ABCC3: variants seen among roughly 807,000 people sequenced by gnomAD.
The protein encoded by ABCC3 is ATP binding cassette subfamily C member 3.
In ABCC3, 121 loss-of-function variants were observed where a neutral mutation model predicts 165.3. The observed-to-expected ratio is 0.73, with a 90% CI of 0.63 to 0.85. The LOEUF (loss-of-function observed/expected upper bound fraction) is 0.85, where lower values mean the gene tolerates loss of function less well. Ranked by LOEUF, ABCC3 falls within the 40% of genes least tolerant of loss-of-function variation. The pLI, the probability that ABCC3 is intolerant of heterozygous loss-of-function variation, is 0.00. For missense variants in ABCC3, 1,869 were observed against 1,964.1 expected (o/e 0.95, Z 0.92); for synonymous variants, 733 against 810.1 (o/e 0.90, Z 1.62).
chr17:50,691,006 G>C (rs188645022), intron 30 of ABCC3, 86 bp from the exon 31 acceptor site: 1 of 1,060,020 alleles, frequency 9.4e-7, no homozygotes, highest in East Asian at 2.5e-5. Flanking sequence ...CTGTGGGCCT[G>C]AGCAAGTACC....
Position 50,669,508 on chromosome 17 carries a change from C to G in ABCC3, c.2221C>G (p.Gln741Glu). 6.2e-7 allele frequency: 1 copy of G among 1,614,186 alleles called. No homozygotes were observed. The highest frequency in any genetic ancestry group is 2.2e-5 in the East Asian group (1 of 44,878). Residue 741 changes from glutamine to glutamate, a missense_variant, in exon 17 of 31, where the codon CAG becomes GAG. Coordinates refer to ENST00000285238, the MANE Select transcript of ABCC3 (RefSeq NM_003786.4). The stretch of plus-strand genomic sequence containing the variant: ...CCTGGAGATGCTGCCTGGTGGGGAT[C>G]AGACAGAGATTGGAGAGAAGGTACA... ...ADLEMLPGGD[Q>E]TEIGEKGINL...
chr17:50,678,305 C>A, intron 25 of ABCC3, 86 bp downstream of exon 25: 1 of 1,427,016 alleles, frequency 7.0e-7, no homozygotes, highest in South Asian at 1.6e-5. Context: ...GTGCCCCTCC[C>A]TGCTCAGTAT....
chr17:50,663,893 C>T, intron 9 of ABCC3, 35 bp downstream of exon 9: 1 of 1,614,132 alleles, frequency 6.2e-7, no homozygotes, highest in Non-Finnish European at 8.5e-7. Context: ...AAAGGCTGGC[C>T]CTGGGCAGCT....
chr17:50,637,519 G>A (rs1166465530), intron 1 of ABCC3, among the ~76,000 whole-genome samples: 1 of 152,156 alleles, frequency 6.6e-6, no homozygotes, highest in East Asian at 1.9e-4. Flanking sequence ...GTGGGAAGTG[G>A]TTCAGGGCAG....
At chr17:50,685,476 TG>T (rs1175584869) in intron 29 of ABCC3, among the ~76,000 whole-genome samples, 1 of 152,220 alleles carries the variant, frequency 6.6e-6, no homozygotes, top group East Asian at 1.9e-4. Context: ...ATGAAGCTAA[TG>T]TTTTTTTCTT....
chr17:50,668,920 G>C lies in ABCC3; in HGVS notation c.1937+1G>C, dbSNP rs766057808. On this transcript the variant is annotated splice_donor_variant, in intron 15 of 30. Transcript: ENST00000285238. LOFTEE classifies it high-confidence loss of function. ...AGGACCTGCCCCCCACTCTGCACAG[G>C]TACCAGCTTCTCCCACTCCCTTCCC... The C allele has an allele frequency of 6.2e-7, 1 of 1,613,942 alleles. No homozygotes were observed. Among genetic ancestry groups the C allele is most frequent in the South Asian group, 1.1e-5 (1 of 91,080 alleles).
rs147357601 is a variant in ABCC3 at position 50,663,449 on chromosome 17, G to A, written c.999-232G>A. On this transcript the variant is annotated intron_variant, in intron 8 of 30. Coordinates refer to ENST00000285238, the MANE Select transcript of ABCC3 (RefSeq NM_003786.4). ...GTGGTGAGAGCGTCATCGATAGGGC[G>A]TGCAGCAGGGTCCATGGTGGATAGA... 6.2e-3 allele frequency: 3,561 copies of A among 569,866 alleles called. 22 individuals carry two copies. The highest frequency in any genetic ancestry group is 8.8e-3 in the Non-Finnish European group (2,811 of 319,284). 35.3% of individuals were successfully genotyped at this position (569,866 alleles called of 1,614,324 possible).
intron 1 of ABCC3, among the ~76,000 whole-genome samples, chr17:50,653,304 C>A (rs1055460975): frequency 6.8e-6 from 1 of 146,062 alleles, no homozygotes; most frequent in Non-Finnish European, 1.5e-5. Flanking sequence ...CGAGATCACG[C>A]CATTACACTC....
intron 1 of ABCC3, among the ~76,000 whole-genome samples, chr17:50,646,774 A>G (rs1967009256): frequency 6.6e-6 from 1 of 152,260 alleles, no homozygotes. Context: ...GAACCAGGTA[A>G]GAGATATTAT....
intron 26 of ABCC3, among the ~76,000 whole-genome samples, chr17:50,683,315 A>G (rs1466488653): frequency 6.6e-6 from 1 of 151,066 alleles, no homozygotes; most frequent in Non-Finnish European, 1.5e-5. Context: ...TCAAGGCTGC[A>G]ATGAGCCATG....
chr17:50,635,225 C>T, intron 1 of ABCC3: 1 of 627,838 alleles, frequency 1.6e-6, no homozygotes, highest in Non-Finnish European at 2.8e-6. Context: ...CACTGGGGAG[C>T]CCGGGAAAGT....
intron 1 of ABCC3, among the ~76,000 whole-genome samples, 191 bp from the exon 2 acceptor site, chr17:50,655,641 G>A (rs928470445): frequency 7.9e-5 from 12 of 151,998 alleles, no homozygotes; most frequent in African/African-American, 2.2e-4. Flanking sequence ...GGAAATGGGG[G>A]CAGCCATGGC....
chr17:50,669,528 G>A lies in ABCC3; in HGVS notation c.2241G>A (p.Lys747=). ...GGGATCAGACAGAGATTGGAGAGAA[G>A]GTACAGAGTCCTCTTCCATCCCTAA... ...PGGDQTEIGE[K]GINLSGGQRQ... Residue 747 remains lysine (K), a splice_region_variant and synonymous_variant, in exon 17 of 31, where the codon AAG becomes AAA. Transcript: ENST00000285238. 6.2e-7 allele frequency: 1 copy of A among 1,613,958 alleles called. No individual in the cohort carries two copies. The highest frequency in any genetic ancestry group is 8.5e-7 in the Non-Finnish European group (1 of 1,179,836).
chr17:50,669,860 A>G (rs1478200959), intron 17 of ABCC3, among the ~76,000 whole-genome samples: 5 of 151,908 alleles, frequency 3.3e-5, no homozygotes, highest in African/African-American at 1.2e-4. Flanking sequence ...CCATGGTGAC[A>G]TCATGGGACG....
At chr17:50,673,966 T>TCTCTC (rs1967719420) in intron 19 of ABCC3, among the ~76,000 whole-genome samples, 1 of 21,684 alleles carries the variant, frequency 4.6e-5, no homozygotes, top group African/African-American at 2.3e-4. Flanking sequence ...CTTTCTTTCT[T>TCTCTC]TCTTTCTTTC....
chr17:50,636,674 C>T (rs2054183495), intron 1 of ABCC3, among the ~76,000 whole-genome samples: 1 of 152,204 alleles, frequency 6.6e-6, no homozygotes, highest in Non-Finnish European at 1.5e-5. Context: ...GCTTCAGGCA[C>T]AAGGGCTCAT....
intron 1 of ABCC3, among the ~76,000 whole-genome samples, chr17:50,637,446 T>C (rs2054190719): frequency 6.6e-6 from 1 of 152,126 alleles, no homozygotes; most frequent in Non-Finnish European, 1.5e-5. Context: ...ATTTGCATGG[T>C]GTATTATTAA....
chr17:50,690,639 C>A (rs995910795), intron 30 of ABCC3, among the ~76,000 whole-genome samples: 2 of 151,850 alleles, frequency 1.3e-5, no homozygotes, highest in African/African-American at 4.8e-5. Flanking sequence ...CAGCAGCAGC[C>A]GCAGCAGCCG....
rs1332545571 is a variant in ABCC3, at chr17:50,676,622, GTGT to G, written c.3378+36_3378+38del. The G allele has an allele frequency of 3.3e-6, 4 of 1,223,350 alleles. No homozygotes were observed. In the South Asian group the frequency reaches 5.2e-5, roughly 16 times the overall value. The allele number at this position is 1,223,350 out of a possible 1,614,324, so 75.8% of individuals were successfully genotyped here. On this transcript the variant is annotated intron_variant, in intron 23 of 30. Transcript: ENST00000285238. ...TGGGCGTGATTCCAGTGTGGGCGTG[GTGT>G]TATTGGGGCGGGGCAACACATGGGC... is the stretch of plus-strand genomic sequence containing the variant.
Sources: allele counts gnomAD v4.1 joint callset (sites outside exome capture counted in the v4.1 genomes callset), GRCh38; gene constraint gnomAD v4.1.1; transcripts MANE v1.5; gene names NCBI Gene and HGNC (gene_info 2026-07-23, HGNC 2026-07-21).